The following ADAM17 variants were observed in gnomAD, a reference collection of about 807,000 sequenced individuals.
ADAM17 encodes disintegrin and metalloproteinase domain-containing protein 17.
Under a neutral mutation model 96.7 loss-of-function variants are expected in ADAM17, and 39 were observed. The observed-to-expected ratio is 0.40, with a 90% CI of 0.31 to 0.53. The LOEUF is 0.53. Among genes scored for constraint, ADAM17 ranks in the 20% least tolerant of loss-of-function variants. The pLI is 0.44. For synonymous variants in ADAM17, 344 were observed against 359.2 expected (o/e 0.96, Z 0.48); for missense variants, 777 against 1,013.2 (o/e 0.77, Z 3.17).
Position 9,502,256 on chromosome 2 carries a change from C to T in ADAM17, c.1565G>A (p.Cys522Tyr). 1 of 1,613,878 alleles carries T rather than the reference C, an allele frequency of 6.2e-7. No individual in the cohort carries two copies. Among genetic ancestry groups the T allele is most frequent in the Non-Finnish European group, 8.5e-7 (1 of 1,179,960 alleles). ...GGCAGTCTCAAACTGACAGTTTTTA[C>T]AGCAAGGACTGTTCCTGTCACTGGA... Reference protein sequence around the residue: ...VQCSDRNSPCCKNCQFETAQK... With the variant: ...VQCSDRNSPCYKNCQFETAQK... Residue 522 changes from cysteine to tyrosine, a missense_variant, in exon 13 of 19, where the codon TGT (cysteine) becomes TAT (tyrosine). Physicochemically the swap from Cys to Tyr is radical, Grantham distance 194 (BLOSUM62 -2). Transcript: ENST00000310823.
chr2:9,550,691 G>A (rs888682475), intron 1 of ADAM17, among the ~76,000 whole-genome samples: 20 of 151,322 alleles, frequency 1.3e-4, no homozygotes, highest in African/African-American at 1.7e-4. Flanking sequence ...GTCATCCGCC[G>A]GCCTCAGCCT....
intron 11 of ADAM17, among the ~76,000 whole-genome samples, chr2:9,506,359 GTTTT>G (rs769256744): frequency 1.4e-5 from 1 of 73,206 alleles, no homozygotes. Flanking sequence ...CTTCAAATCT[GTTTT>G]TTTTTTTTTT....
At chr2:9,498,990 T>C (rs1473124143) in intron 13 of ADAM17, among the ~76,000 whole-genome samples, 7 of 152,190 alleles carry the variant, frequency 4.6e-5, no homozygotes, top group Non-Finnish European at 8.8e-5. Flanking sequence ...CTGGCCTCCC[T>C]TCCCACATTT....
chr2:9,523,472 T>C, intron 6 of ADAM17, 134 bp from the exon 7 acceptor site: 1 of 682,556 alleles, frequency 1.5e-6, no homozygotes, highest in Non-Finnish European at 2.4e-6. Flanking sequence ...TCGCAAAAAC[T>C]AGCATTGAGA....
intron 6 of ADAM17, among the ~76,000 whole-genome samples, chr2:9,525,009 T>C (rs1221124509): frequency 1.3e-5 from 2 of 151,932 alleles, no homozygotes; most frequent in Non-Finnish European, 2.9e-5. Context: ...TATAGTGCAA[T>C]GAACAAAGAA....
At chr2:9,507,322 G>A (rs184048041) in intron 11 of ADAM17, among the ~76,000 whole-genome samples, 1 of 152,220 alleles carries the variant, frequency 6.6e-6, no homozygotes, top group East Asian at 1.9e-4. Context: ...GGCCAACATG[G>A]TGAAACCCCA....
intron 13 of ADAM17, among the ~76,000 whole-genome samples, chr2:9,499,843 A>G (rs1033142051): frequency 6.6e-6 from 1 of 152,224 alleles, no homozygotes; most frequent in Non-Finnish European, 1.5e-5. Context: ...AGGTCCCTGA[A>G]GACCTCCAGC....
chr2:9,522,181 A>G (rs558919951), intron 7 of ADAM17: 2 of 370,630 alleles, frequency 5.4e-6, no homozygotes, highest in East Asian at 3.9e-5. Flanking sequence ...GCAGCTTTAC[A>G]TGCATGAACA....
intron 4 of ADAM17, among the ~76,000 whole-genome samples, chr2:9,531,300 G>C (rs1196726280): frequency 2.0e-5 from 3 of 151,144 alleles, no homozygotes; most frequent in South Asian, 4.3e-4. Flanking sequence ...AAGCATGGTG[G>C]CTCACGTCTG....
intron 1 of ADAM17, among the ~76,000 whole-genome samples, chr2:9,551,729 G>A (rs543060820): frequency 6.6e-6 from 1 of 152,160 alleles, no homozygotes; most frequent in Non-Finnish European, 1.5e-5. Context: ...AAAGTGCTGG[G>A]ATTACAGGCA....
chr2:9,499,243 T>G (rs1426841690), intron 13 of ADAM17, among the ~76,000 whole-genome samples: 5 of 152,138 alleles, frequency 3.3e-5, no homozygotes, highest in Admixed American at 3.3e-4. Context: ...AAAGGCTGTT[T>G]GATAAGAACA....
At chr2:9,494,861 G>A in intron 14 of ADAM17, 94 bp from the exon 15 acceptor site, 1 of 1,469,320 alleles carries the variant, frequency 6.8e-7, no homozygotes, top group Non-Finnish European at 9.2e-7. Context: ...TCCCAAAGAG[G>A]TAAGAAATCA....
chr2:9,521,463 T>C lies in ADAM17; in HGVS notation c.844-147A>G, dbSNP rs1355316500. The C allele has an allele frequency of 1.6e-5, 7 of 434,812 alleles. No individual in the cohort carries two copies. The East Asian group carries it at 2.5e-4, about 16-fold the overall frequency. The allele number at this position is 434,812 out of a possible 1,614,324, so 26.9% of individuals were successfully genotyped here. A position where few individuals can be genotyped will look rare whatever the true frequency, so the allele number is the denominator to read the frequency against. On this transcript the variant is annotated intron_variant, in intron 7 of 18. Transcript: ENST00000310823. ...AAATTCATAAATTCTTCAGTACCAA[T>C]ATTCAATGTTTGAAACAAACAGAGA... is the stretch of plus-strand genomic sequence containing the variant.
chr2:9,495,915 TCAAA>T (rs905543187), intron 14 of ADAM17, among the ~76,000 whole-genome samples: 1 of 150,058 alleles, frequency 6.7e-6, no homozygotes. Flanking sequence ...CAGGCTGGTC[TCAAA>T]CAACTCCTGA....
At position 9,535,961 on chromosome 2, in the gene ADAM17, C is replaced by T. The variant is rs369004455; in HGVS notation, c.362-39G>A. ...AAAAATTATTATTTAAAAATACTTA[C>T]ATCAAATAAGAAACTATGCATTACT... On this transcript the variant is annotated intron_variant, in intron 3 of 18. Transcript: ENST00000310823. 3.8e-5 allele frequency: 51 copies of T among 1,345,618 alleles called. No homozygotes were observed. The African/African-American group carries it at 6.2e-4, about 16-fold the overall frequency. The allele number at this position is 1,345,618 out of a possible 1,614,324, so 83.4% of individuals were successfully genotyped here.
At chr2:9,491,038 G>C (rs1404352672) in intron 18 of ADAM17, 63 bp downstream of exon 18, 10 of 1,461,746 alleles carry the variant, frequency 6.8e-6, no homozygotes, top group Non-Finnish European at 9.5e-6. Flanking sequence ...TCAGGTGAAG[G>C]TCTTTGCCTA....
intron 10 of ADAM17, among the ~76,000 whole-genome samples, chr2:9,511,638 AAAG>A (rs1663750086): frequency 6.6e-6 from 1 of 152,154 alleles, no homozygotes; most frequent in Non-Finnish European, 1.5e-5. Context: ...TTTTGCCAAT[AAAG>A]CTAAAATTTT....
At position 9,489,409 on chromosome 2, in the gene ADAM17, T is replaced by A. The variant is rs1661897952; in HGVS notation, c.*768A>T. The A allele has an allele frequency of 6.7e-6, 1 of 149,046 alleles. No individual in the cohort carries two copies. Among genetic ancestry groups the A allele is most frequent in the Admixed American group, 6.7e-5 (1 of 14,986 alleles). The allele number at this position is 149,046 out of a possible 1,614,324, so 9.2% of individuals were successfully genotyped here. ...ATAGTGAATTTTCTAAGAGCATGTA[T>A]CCCTATCAGTAACAGGGATACATGA... On this transcript the variant is annotated 3_prime_UTR_variant, in exon 19 of 19. Coordinates refer to ENST00000310823, the MANE Select transcript of ADAM17 (RefSeq NM_003183.6).
chr2:9,503,698 G>T (rs1558502222), intron 12 of ADAM17, among the ~76,000 whole-genome samples: 1 of 151,912 alleles, frequency 6.6e-6, no homozygotes, highest in Admixed American at 6.6e-5. Context: ...AATTAGCTGG[G>T]CGTGGTGGTG....
Sources: gnomAD v4.1 joint callset for allele counts (sites outside exome capture counted in the v4.1 genomes callset) on GRCh38, gnomAD v4.1.1 for gene constraint, MANE v1.5 for transcripts, NCBI Gene and HGNC (gene_info 2026-07-23, HGNC 2026-07-21) for gene names.